MTRF1: variants seen among roughly 807,000 people sequenced by gnomAD.
MTRF1 encodes the protein mitochondrial translation release factor 1, also known as peptide chain release factor 1, mitochondrial.
MTRF1 carries 51 observed loss-of-function variants against 62.9 expected under a neutral mutation model. That is an observed-to-expected ratio of 0.81 (90% CI 0.65 to 1.02). The LOEUF (loss-of-function observed/expected upper bound fraction) is 1.02, where lower values mean the gene tolerates loss of function less well. Ranked by LOEUF, MTRF1 falls within the 50% of genes least tolerant of loss-of-function variation. The pLI is 0.00. For synonymous variants in MTRF1, 158 were observed against 181.9 expected (o/e 0.87, Z 1.06); for missense variants, 446 against 530.0 (o/e 0.84, Z 1.56).
At chr13:41,232,887 G>A (rs1239544814) in intron 7 of MTRF1, among the ~76,000 whole-genome samples, 2 of 152,180 alleles carry the variant, frequency 1.3e-5, no homozygotes, top group Admixed American at 1.3e-4. Flanking sequence ...GAAGATGTAA[G>A]CAGACTCAGA....
chr13:41,248,476 G>A lies in MTRF1; in HGVS notation c.697+4169C>T, dbSNP rs201465906. On this transcript the variant is annotated intron_variant, in intron 5 of 9. Coordinates refer to ENST00000379480, the MANE Select transcript of MTRF1 (RefSeq NM_004294.4). ...ATGGTAACTCTGCCTACTACTTGGT[G>A]TTTGGCAGTGGGGTACCACCAGTTG... is the stretch of plus-strand genomic sequence containing the variant. Among the ~76,000 whole-genome samples the A allele has an allele frequency of 1.1e-4, 16 of 152,298 alleles. No individual in the cohort carries two copies. In the East Asian group the frequency reaches 3.1e-3, roughly 29 times the overall value.
chr13:41,240,025 T>C lies in MTRF1; in HGVS notation c.870+236A>G, dbSNP rs1287721889. 2.6e-5 allele frequency among the ~76,000 whole-genome samples: 4 copies of C among 152,172 alleles called. No individual in the cohort carries two copies. The East Asian group carries it at 5.8e-4, about 22-fold the overall frequency. ...AAAATACAAAAAAATTAGCCAGGCA[T>C]GGTGGCGTGTACCTGTAATTGCAGC... On this transcript the variant is annotated intron_variant, in intron 6 of 9. Coordinates refer to ENST00000379480, the MANE Select transcript of MTRF1 (RefSeq NM_004294.4).
At chr13:41,247,006 G>A (rs2038354223) in intron 5 of MTRF1, among the ~76,000 whole-genome samples, 2 of 152,216 alleles carry the variant, frequency 1.3e-5, no homozygotes, top group African/African-American at 2.4e-5. Flanking sequence ...CACACCTGAA[G>A]GGAGAAACAT....
the MTRF1 span, among the ~76,000 whole-genome samples, chr13:41,293,841 C>G: frequency 6.6e-6 from 1 of 152,006 alleles, no homozygotes; most frequent in African/African-American, 2.4e-5. Context: ...AAATCTGGGT[C>G]ATTATCAAAT....
upstream of MTRF1, among the ~76,000 whole-genome samples, chr13:41,265,833 CT>C (rs1419234240): frequency 6.6e-6 from 1 of 152,100 alleles, no homozygotes; most frequent in Non-Finnish European, 1.5e-5. Context: ...GGCCACCCAG[CT>C]GGTGGTTTTT....
chr13:41,289,862 G>T, the MTRF1 span, among the ~76,000 whole-genome samples: 1 of 152,046 alleles, frequency 6.6e-6, no homozygotes, highest in African/African-American at 2.4e-5. Flanking sequence ...TGAACAAATT[G>T]GGCTATGAAT....
rs146179881 is a variant in MTRF1, at chr13:41,252,728, C to T, written c.614G>A (p.Arg205Gln). ...TGGDICQQFTREIFDMYQNYS... is the reference protein window; with the variant it reads ...TGGDICQQFTQEIFDMYQNYS... ...ATTCTGGTACATGTCAAATATTTCT[C>T]GGGTAAATTGTTGGCAGATGTCACC... The change falls in exon 5 of 10, where the codon CGA becomes CAA. Residue 205 changes from arginine to glutamine, a missense_variant. Arg to Gln is a conservative substitution (Grantham distance 43, BLOSUM62 1). Transcript: ENST00000379480. 30 of 1,613,290 alleles carry T rather than the reference C, an allele frequency of 1.9e-5. No homozygotes were observed. The African/African-American group carries it at 2.3e-4, about 12-fold the overall frequency.
chr13:41,238,887 A>G (rs1033016553), intron 6 of MTRF1, among the ~76,000 whole-genome samples: 5 of 152,314 alleles, frequency 3.3e-5, no homozygotes, highest in African/African-American at 9.6e-5. Flanking sequence ...ACATGTAGAT[A>G]TAACTTTCAA....
chr13:41,219,542 T>A (rs1357449989), intron 9 of MTRF1, among the ~76,000 whole-genome samples: 1 of 151,842 alleles, frequency 6.6e-6, no homozygotes, highest in East Asian at 1.9e-4. Flanking sequence ...TATAATAAAT[T>A]AAAAAATGAA....
chr13:41,273,033 A>C, the MTRF1 span, among the ~76,000 whole-genome samples: 2 of 152,202 alleles, frequency 1.3e-5, no homozygotes, highest in South Asian at 2.1e-4. Flanking sequence ...GTCAAAGGTT[A>C]GAAGCATCTA....
chr13:41,240,471 C>G lies in MTRF1; in HGVS notation c.698-38G>C, dbSNP rs749771604. On this transcript the variant is annotated intron_variant, in intron 5 of 9. Transcript: ENST00000379480. ...CAATCCAGAAATAGTAATGAATTAT[C>G]CTTTGAAACAGATCAGGATCCTAAA... is the stretch of plus-strand genomic sequence containing the variant. The G allele has an allele frequency of 1.9e-6, 3 of 1,584,624 alleles. No individual in the cohort carries two copies. In the Admixed American group the frequency reaches 5.2e-5, roughly 27 times the overall value.
At chr13:41,229,300 C>G (rs1428446978) in intron 7 of MTRF1, 2 of 152,184 alleles carry the variant, frequency 1.3e-5, no homozygotes, top group Non-Finnish European at 2.9e-5. Flanking sequence ...ACATCCATCA[C>G]CTCAAAATTT....
At chr13:41,261,704 T>C (rs917367430) in intron 1 of MTRF1, 66 of 636,876 alleles carry the variant, frequency 1.0e-4, no homozygotes, top group Non-Finnish European at 1.2e-4. Flanking sequence ...ATCACGACTA[T>C]TCAGTCGGCT....
intron 2 of MTRF1, 51 bp downstream of exon 2, chr13:41,260,442 G>GTTT: frequency 7.3e-7 from 1 of 1,370,908 alleles, no homozygotes; most frequent in Non-Finnish European, 9.9e-7. Context: ...TAAGTGTGTG[G>GTTT]TTTTTTTTTT....
the MTRF1 span, among the ~76,000 whole-genome samples, chr13:41,278,950 C>T: frequency 5.3e-5 from 8 of 152,058 alleles, no homozygotes; most frequent in Non-Finnish European, 8.8e-5. Context: ...TCCTCCTTTT[C>T]GGAATTACTG....
intron 5 of MTRF1, among the ~76,000 whole-genome samples, chr13:41,251,386 A>T (rs2039041716): frequency 6.6e-6 from 1 of 152,176 alleles, no homozygotes; most frequent in Non-Finnish European, 1.5e-5. Flanking sequence ...TTATTAATGC[A>T]ATTTTCAACA....
intron 6 of MTRF1, among the ~76,000 whole-genome samples, chr13:41,239,447 T>C (rs1054400001): frequency 1.3e-5 from 2 of 152,120 alleles, no homozygotes; most frequent in Non-Finnish European, 2.9e-5. Context: ...TTCATTTAAA[T>C]AAATGTATAC....
the MTRF1 span, among the ~76,000 whole-genome samples, chr13:41,298,983 C>T: frequency 3.2e-3 from 487 of 152,234 alleles, 1 homozygote; most frequent in African/African-American, 0.01. Flanking sequence ...AGTTTGAGAC[C>T]AGCCTGGCCA....
At chr13:41,284,778 C>T in the MTRF1 span, among the ~76,000 whole-genome samples, 1 of 152,044 alleles carries the variant, frequency 6.6e-6, no homozygotes, top group East Asian at 1.9e-4. Context: ...CTCAGCCTCC[C>T]GAGTAGCTGG....
Sources: gnomAD v4.1 joint callset for allele counts (sites outside exome capture counted in the v4.1 genomes callset) on GRCh38, gnomAD v4.1.1 for gene constraint, MANE v1.5 for transcripts, NCBI Gene and HGNC (gene_info 2026-07-23, HGNC 2026-07-21) for gene names.